RAD51B: variants seen among roughly 807,000 people sequenced by gnomAD.
RAD51B encodes the protein DNA repair protein RAD51 homolog 2.
A neutral mutation model predicts 42.2 loss-of-function variants in RAD51B; 38 were observed. The observed-to-expected ratio is 0.90, with a 90% CI of 0.70 to 1.18. RAD51B has a LOEUF of 1.18. Among genes scored for constraint, RAD51B ranks in the 50% most tolerant of loss-of-function variants. RAD51B has a pLI of 0.00. For missense variants in RAD51B, 373 were observed against 400.7 expected (o/e 0.93, Z 0.59); for synonymous variants, 154 against 145.2 (o/e 1.06, Z -0.43).
At chr14:68,092,864 G>A (rs905952150) in intron 7 of RAD51B, among the ~76,000 whole-genome samples, 52 of 151,848 alleles carry the variant, frequency 3.4e-4, no homozygotes, top group African/African-American at 1.2e-3. Flanking sequence ...ATTATTTTGA[G>A]ATACGTCCCA....
At chr14:68,196,552 A>G (rs751365146) in intron 7 of RAD51B, among the ~76,000 whole-genome samples, 1 of 152,062 alleles carries the variant, frequency 6.6e-6, no homozygotes, top group Non-Finnish European at 1.5e-5. Flanking sequence ...CTATTATTCT[A>G]TGGGTCTCTG....
At chr14:68,506,947 C>T (rs1885372064) in intron 10 of RAD51B, among the ~76,000 whole-genome samples, 1 of 152,152 alleles carries the variant, frequency 6.6e-6, no homozygotes, top group South Asian at 2.1e-4. Flanking sequence ...CAGGTGGGTA[C>T]ACATTCAATG....
chr14:68,327,768 T>C lies in RAD51B; in HGVS notation c.853+35788T>C, dbSNP rs187677841. On this transcript the variant is annotated intron_variant, in intron 8 of 10. Transcript: ENST00000471583. Reference sequence around the variant, plus strand: ...ATATTCATAAATTAAAGTCAACTTATAAGTACAAAGGAATATCTGTGACTA... The same window carrying C: ...ATATTCATAAATTAAAGTCAACTTACAAGTACAAAGGAATATCTGTGACTA... 3.3e-5 allele frequency among the ~76,000 whole-genome samples: 5 copies of C among 152,290 alleles called. No individual in the cohort carries two copies. In the East Asian group the frequency reaches 7.7e-4, roughly 23 times the overall value.
chr14:68,505,030 G>A (rs776654266), intron 10 of RAD51B, among the ~76,000 whole-genome samples: 6 of 152,222 alleles, frequency 3.9e-5, no homozygotes, highest in Non-Finnish European at 7.3e-5. Flanking sequence ...TTGAAAGGCC[G>A]TTAAATTCCT....
intron 7 of RAD51B, among the ~76,000 whole-genome samples, chr14:68,106,410 G>A (rs974291195): frequency 1.3e-5 from 2 of 151,746 alleles, no homozygotes; most frequent in African/African-American, 2.4e-5. Context: ...AGTAGATGTG[G>A]TAGGTTTTTT....
In RAD51B at chr14:67,835,074, G is replaced by A. The variant is rs1173010583; in HGVS notation, c.199-6G>A. The stretch of plus-strand genomic sequence containing the variant: ...TGAAAAAAAACTTAATCATTTTCTT[G>A]TTTAGGCTTATGGGATAAAAGCACA... On this transcript the variant is annotated splice_region_variant and splice_polypyrimidine_tract_variant and intron_variant, in intron 3 of 10. Transcript: ENST00000471583. 8 of 1,591,624 alleles carry A rather than the reference G, an allele frequency of 5.0e-6. No homozygotes were observed. Among genetic ancestry groups the A allele is most frequent in the Non-Finnish European group, 6.0e-6 (7 of 1,160,716 alleles).
At chr14:68,453,541 C>T (rs1049745605) in intron 9 of RAD51B, among the ~76,000 whole-genome samples, 4 of 152,186 alleles carry the variant, frequency 2.6e-5, no homozygotes, top group Non-Finnish European at 5.9e-5. Context: ...AGTGACAAGT[C>T]TCCAACCCAG....
At chr14:68,286,502 G>C (rs1366779543) in intron 7 of RAD51B, among the ~76,000 whole-genome samples, 1 of 152,120 alleles carries the variant, frequency 6.6e-6, no homozygotes, top group African/African-American at 2.4e-5. Context: ...CCAAAAGTCA[G>C]GTAAAATGAG....
At chr14:68,549,067 G>A (rs1888380072) in intron 10 of RAD51B, among the ~76,000 whole-genome samples, 1 of 152,190 alleles carries the variant, frequency 6.6e-6, no homozygotes, top group Non-Finnish European at 1.5e-5. Flanking sequence ...CAGGCCCTGG[G>A]AGTCAGAGTG....
chr14:68,041,853 T>C (rs1191334712), intron 7 of RAD51B, among the ~76,000 whole-genome samples: 2 of 152,232 alleles, frequency 1.3e-5, no homozygotes, highest in African/African-American at 2.4e-5. Context: ...ATGAGGCCTC[T>C]GTTTCCATTC....
chr14:68,387,842 A>G (rs896200006), intron 8 of RAD51B, among the ~76,000 whole-genome samples: 1 of 152,194 alleles, frequency 6.6e-6, no homozygotes, highest in African/African-American at 2.4e-5. Flanking sequence ...TGAGCACATG[A>G]AAGGTGCCTT....
chr14:67,868,679 T>C (rs1423290300), intron 5 of RAD51B, among the ~76,000 whole-genome samples: 1 of 150,314 alleles, frequency 6.7e-6, no homozygotes, highest in Non-Finnish European at 1.5e-5. Context: ...CAGACATAAA[T>C]GTCCCTGTCT....
intron 7 of RAD51B, among the ~76,000 whole-genome samples, chr14:68,131,364 T>C (rs944534077): frequency 1.3e-5 from 2 of 152,220 alleles, no homozygotes; most frequent in Non-Finnish European, 2.9e-5. Context: ...GATGTGGGCT[T>C]TGGAGCTGCA....
At chr14:68,506,532 C>T (rs772240578) in intron 10 of RAD51B, among the ~76,000 whole-genome samples, 2 of 152,234 alleles carry the variant, frequency 1.3e-5, no homozygotes, top group Non-Finnish European at 2.9e-5. Context: ...TGTGCGTGCG[C>T]GTGCATGTGT....
chr14:68,254,771 A>G (rs1373538465), intron 7 of RAD51B, among the ~76,000 whole-genome samples: 1 of 152,236 alleles, frequency 6.6e-6, no homozygotes, highest in African/African-American at 2.4e-5. Flanking sequence ...AAGGGCTTAT[A>G]GGTTTCACCA....
At chr14:67,912,064 G>C (rs923979250) in intron 7 of RAD51B, among the ~76,000 whole-genome samples, 3 of 152,184 alleles carry the variant, frequency 2.0e-5, no homozygotes, top group Non-Finnish European at 4.4e-5. Flanking sequence ...TTTATACAAA[G>C]CCAGGTGCCA....
At chr14:68,111,647 A>G (rs2077461036) in intron 7 of RAD51B, among the ~76,000 whole-genome samples, 1 of 152,080 alleles carries the variant, frequency 6.6e-6, no homozygotes, top group African/African-American at 2.4e-5. Flanking sequence ...CTGAAAATCC[A>G]GTAATGTTCA....
At position 68,350,004 on chromosome 14, in the gene RAD51B, C is replaced by T. The variant is rs147997782; in HGVS notation, c.853+58024C>T. ...ACACGCTATCGCACTGGGAGGAAATCGGTGTCTTTGAAATCAAATACCCTG... is the reference window on the plus strand; with the variant it reads ...ACACGCTATCGCACTGGGAGGAAATTGGTGTCTTTGAAATCAAATACCCTG... On this transcript the variant is annotated intron_variant, in intron 8 of 10. Transcript: ENST00000471583. Among the ~76,000 whole-genome samples, 50 of 152,330 alleles carry T rather than the reference C, an allele frequency of 3.3e-4. No individual in the cohort carries two copies. The South Asian group carries it at 5.4e-3, about 16-fold the overall frequency.
At chr14:68,608,166 C>T (rs1891528952) in intron 10 of RAD51B, among the ~76,000 whole-genome samples, 1 of 152,242 alleles carries the variant, frequency 6.6e-6, no homozygotes, top group Non-Finnish European at 1.5e-5. Flanking sequence ...CTTCCCTGCC[C>T]TTCTCTTAGG....
Sources: gnomAD v4.1 joint callset for allele counts (sites outside exome capture counted in the v4.1 genomes callset) on GRCh38, gnomAD v4.1.1 for gene constraint, MANE v1.5 for transcripts, NCBI Gene and HGNC (gene_info 2026-07-23, HGNC 2026-07-21) for gene names.